The following TERF2IP variants were observed in gnomAD, a reference collection of about 807,000 sequenced individuals.
TERF2IP encodes the protein telomeric repeat-binding factor 2-interacting protein 1.
Under a neutral mutation model 33.3 loss-of-function variants are expected in TERF2IP, and 35 were observed. That is an observed-to-expected ratio of 1.05 (90% CI 0.80 to 1.39). The LOEUF (loss-of-function observed/expected upper bound fraction) is 1.39, where lower values mean the gene tolerates loss of function less well. Among genes scored for constraint, TERF2IP ranks in the 40% most tolerant of loss-of-function variants. TERF2IP has a pLI of 0.00. For missense variants in TERF2IP, 583 were observed against 524.8 expected (o/e 1.11, Z -1.08); for synonymous variants, 253 against 223.2 (o/e 1.13, Z -1.19).
rs1247687680 is a variant in TERF2IP at position 75,656,836 on chromosome 16, C to A, written c.*225C>A. ...TTTACAGCTGTCCTTGAACAAGTAT[C>A]AATGTGTTTATGAAAGGAAGATCTA... On this transcript the variant is annotated 3_prime_UTR_variant, in exon 3 of 3. Transcript: ENST00000300086. 4 of 526,608 alleles carry A rather than the reference C, an allele frequency of 7.6e-6. No individual in the cohort carries two copies. The African/African-American group carries it at 7.7e-5, about 10-fold the overall frequency. The allele number at this position is 526,608 out of a possible 1,614,324, so 32.6% of individuals were successfully genotyped here.
rs372206607 is a variant in TERF2IP, at chr16:75,647,873, G to A, written c.-10G>A. On this transcript the variant is annotated 5_prime_UTR_variant, in exon 1 of 3. Transcript: ENST00000300086. ...GGGGGTAGCTCTTCTAGTAGTGCTC[G>A]GCGTCAGACATGGCGGAGGCGATGG... 9.4e-5 allele frequency: 151 copies of A among 1,601,828 alleles called. No homozygotes were observed. In the Middle Eastern group the frequency reaches 1.2e-3, roughly 12 times the overall value.
chr16:75,651,101 A>T (rs1403198207), intron 1 of TERF2IP, among the ~76,000 whole-genome samples: 1 of 152,310 alleles, frequency 6.6e-6, no homozygotes, highest in African/African-American at 2.4e-5. Flanking sequence ...TAGCATGGTG[A>T]TAAGTTATGA....
Position 75,656,395 on chromosome 16 carries a change from T to C in TERF2IP, c.984T>C (p.Asp328=), listed in dbSNP as rs374795391. Residue 328 remains aspartate, a synonymous_variant, in exon 3 of 3, where the codon GAT becomes GAC. Transcript: ENST00000300086. ...AGTTAATGGAGAAGTTTAACTTGGA[T>C]CTATCAACAGTTACACAGGCCTTCC... The part of the protein sequence containing the change: ...IRQLMEKFNL[D]LSTVTQAFLK... 6.8e-6 allele frequency: 11 copies of C among 1,614,050 alleles called. No individual in the cohort carries two copies. Among genetic ancestry groups the C allele is most frequent in the Non-Finnish European group, 8.5e-6 (10 of 1,180,040 alleles).
rs1307842924 is a variant in TERF2IP at position 75,648,116 on chromosome 16, C to G, written c.234C>G (p.Phe78Leu). ...GEALAEASGDFISTQYILDCV... is the reference protein window; with the variant it reads ...GEALAEASGDLISTQYILDCV... ...CGCTGGCCGAGGCCTCGGGTGATTTCATCTCCACGCAGTACATCCTGGACT... is the reference window on the plus strand; with the variant it reads ...CGCTGGCCGAGGCCTCGGGTGATTTGATCTCCACGCAGTACATCCTGGACT... The change falls in exon 1 of 3, where the codon TTC becomes TTG. Residue 78 changes from phenylalanine (F) to leucine (L), a missense_variant. Transcript: ENST00000300086. The G allele has an allele frequency of 6.4e-7, 1 of 1,557,450 alleles. No homozygotes were observed. The highest frequency in any genetic ancestry group is 8.7e-7 in the Non-Finnish European group (1 of 1,152,070).
At chr16:75,648,803 C>A in intron 1 of TERF2IP, 1 of 1,037,964 alleles carries the variant, frequency 9.6e-7, no homozygotes, top group Non-Finnish European at 1.3e-6. Context: ...ATCCTCCTGC[C>A]TCGGCCACCC....
intron 2 of TERF2IP, among the ~76,000 whole-genome samples, chr16:75,655,990 TGCACACACACACGC>T (rs966437365): frequency 3.4e-5 from 5 of 147,842 alleles, no homozygotes; most frequent in South Asian, 2.3e-4. Context: ...CACACACACG[TGCACACACACACGC>T]GCACACACAC....
intron 1 of TERF2IP, among the ~76,000 whole-genome samples, chr16:75,653,680 T>C (rs2082363368): frequency 6.6e-6 from 1 of 152,122 alleles, no homozygotes; most frequent in Non-Finnish European, 1.5e-5. Flanking sequence ...CAAACTCCTG[T>C]CTTCTTAGGG....
At chr16:75,655,993 ACACACACACG>A in intron 2 of TERF2IP, among the ~76,000 whole-genome samples, 1 of 147,560 alleles carries the variant, frequency 6.8e-6, no homozygotes, top group South Asian at 2.3e-4. Context: ...ACACACGTGC[ACACACACACG>A]CGCACACACA....
In TERF2IP at chr16:75,648,165, G is replaced by C. The variant is rs769051760; in HGVS notation, c.283G>C (p.Glu95Gln). The change falls in exon 1 of 3, where the codon GAG (glutamate) becomes CAG (glutamine). Residue 95 changes from glutamate to glutamine, a missense_variant. Transcript: ENST00000300086. ...CTGCGTGGAGCGCAACGAGAGGCTGGAGCTGGAGGCCTATCGGCTGGGCCC... is the reference window on the plus strand; with the variant it reads ...CTGCGTGGAGCGCAACGAGAGGCTGCAGCTGGAGGCCTATCGGCTGGGCCC... The part of the protein sequence containing the change: ...LDCVERNERL[E>Q]LEAYRLGPAS... 2.6e-6 allele frequency: 4 copies of C among 1,565,800 alleles called. No individual in the cohort carries two copies. In the African/African-American group the frequency reaches 4.0e-5, roughly 16 times the overall value.
At position 75,648,226 on chromosome 16, in the gene TERF2IP, C is replaced by G; in HGVS notation, c.344C>G (p.Pro115Arg). The G allele has an allele frequency of 1.3e-6, 2 of 1,545,724 alleles. No individual in the cohort carries two copies. Among genetic ancestry groups the G allele is most frequent in the Non-Finnish European group, 1.7e-6 (2 of 1,145,860 alleles). The change falls in exon 1 of 3, where the codon CCC (proline) becomes CGC (arginine). Residue 115 changes from proline to arginine, a missense_variant. Coordinates refer to ENST00000300086, the MANE Select transcript of TERF2IP (RefSeq NM_018975.4). Reference protein sequence around the residue: ...SAADTGSEAKPGALAEGAAEP... With the variant: ...SAADTGSEAKRGALAEGAAEP... The stretch of plus-strand genomic sequence containing the variant: ...GCGGACACCGGCTCGGAAGCAAAGC[C>G]CGGGGCCCTGGCCGAGGGCGCCGCG...
Position 75,647,839 on chromosome 16 carries a change from C to A in TERF2IP, c.-44C>A, listed in dbSNP as rs760608067. The A allele has an allele frequency of 1.4e-5, 23 of 1,594,860 alleles. No homozygotes were observed. The highest frequency in any genetic ancestry group is 2.0e-5 in the Non-Finnish European group (23 of 1,167,998). On this transcript the variant is annotated 5_prime_UTR_variant, in exon 1 of 3. Transcript: ENST00000300086. ...AGTCAGTTGAGCTCTGTGTGCCAGG[C>A]GCTCGCGAGGGGGTAGCTCTTCTAG...
chr16:75,647,843 C>G lies in TERF2IP; in HGVS notation c.-40C>G. 1 of 1,595,566 alleles carries G rather than the reference C, an allele frequency of 6.3e-7. No individual in the cohort carries two copies. Among genetic ancestry groups the G allele is most frequent in the East Asian group, 2.2e-5 (1 of 44,588 alleles). Reference sequence around the variant, plus strand: ...AGTTGAGCTCTGTGTGCCAGGCGCTCGCGAGGGGGTAGCTCTTCTAGTAGT... The same window carrying G: ...AGTTGAGCTCTGTGTGCCAGGCGCTGGCGAGGGGGTAGCTCTTCTAGTAGT... On this transcript the variant is annotated 5_prime_UTR_variant, in exon 1 of 3. Transcript: ENST00000300086.
chr16:75,649,006 C>G (rs926185013), intron 1 of TERF2IP, among the ~76,000 whole-genome samples: 10 of 151,774 alleles, frequency 6.6e-5, no homozygotes, highest in East Asian at 5.9e-4. Flanking sequence ...GAACTACACT[C>G]CCGCGCCACC....
intron 1 of TERF2IP, among the ~76,000 whole-genome samples, chr16:75,650,082 C>T (rs925190833): frequency 6.6e-6 from 1 of 152,190 alleles, no homozygotes; most frequent in African/African-American, 2.4e-5. Flanking sequence ...CAGCTTCATT[C>T]ATTCAGCAGA....
chr16:75,654,165 A>C, intron 1 of TERF2IP, 108 bp from the exon 2 acceptor site: 1 of 959,620 alleles, frequency 1.0e-6, no homozygotes, highest in East Asian at 3.3e-5. Flanking sequence ...AAAAAAAAAA[A>C]AAAAAAAAGT....
intron 2 of TERF2IP, among the ~76,000 whole-genome samples, chr16:75,655,808 G>A (rs933091620): frequency 6.6e-6 from 1 of 152,172 alleles, no homozygotes; most frequent in African/African-American, 2.4e-5. Flanking sequence ...GGAGCTTACA[G>A]TCTTGAGAGT....
chr16:75,648,314 C>G lies in TERF2IP; in HGVS notation c.432C>G (p.Ile144Met). The G allele has an allele frequency of 6.4e-7, 1 of 1,563,018 alleles. No individual in the cohort carries two copies. The highest frequency in any genetic ancestry group is 8.7e-7 in the Non-Finnish European group (1 of 1,153,458). The change falls in exon 1 of 3, where the codon ATC becomes ATG. Residue 144 changes from isoleucine to methionine, a missense_variant. Transcript: ENST00000300086. The stretch of plus-strand genomic sequence containing the variant: ...TCACGGATGCGGACGACGTAGCCAT[C>G]CTTACCTACGTGAAGGAAAATGCCC... ...IAFTDADDVA[I>M]LTYVKENARS... is the part of the protein sequence containing the mutation.
chr16:75,653,668 C>A (rs978518260), intron 1 of TERF2IP, among the ~76,000 whole-genome samples: 2 of 152,134 alleles, frequency 1.3e-5, no homozygotes, highest in African/African-American at 4.8e-5. Flanking sequence ...AGCTGCCTTG[C>A]CCAAACTCCT....
Position 75,648,530 on chromosome 16 carries a change from C to T in TERF2IP, c.648C>T (p.Asp216=), listed in dbSNP as rs752833286. 13 of 1,566,648 alleles carry T rather than the reference C, an allele frequency of 8.3e-6. No individual in the cohort carries two copies. Among genetic ancestry groups the T allele is most frequent in the South Asian group, 1.2e-5 (1 of 86,282 alleles). ...AGCTCAAGCGGAAGGCGGAGGAGGA[C>T]CCGGAGGCCGCGGATAGCGGGGGTG... ...SQKLKRKAEE[D]PEAADSGEPQ... The change falls in exon 1 of 3, where the codon GAC becomes GAT. Residue 216 remains aspartate (D), a synonymous_variant. Transcript: ENST00000300086.
Sources: allele counts gnomAD v4.1 joint callset (sites outside exome capture counted in the v4.1 genomes callset), GRCh38; gene constraint gnomAD v4.1.1; transcripts MANE v1.5; gene names NCBI Gene and HGNC (gene_info 2026-07-23, HGNC 2026-07-21).